The following FAXC variants were observed in gnomAD, a reference collection of about 807,000 sequenced individuals.
FAXC encodes failed axon connections homolog, metaxin like GST domain containing.
Under a neutral mutation model 41.9 loss-of-function variants are expected in FAXC, and 10 were observed. That is an observed-to-expected ratio of 0.24 (90% CI 0.15 to 0.41). FAXC has a LOEUF of 0.41. Among genes scored for constraint, FAXC ranks in the 10% least tolerant of loss-of-function variants. FAXC has a pLI of 1.00. For synonymous variants in FAXC, 183 were observed against 183.8 expected (o/e 1.00, Z 0.03); for missense variants, 399 against 510.9 (o/e 0.78, Z 2.11).
Position 99,303,674 on chromosome 6 carries a change from G to A in FAXC, c.824-11854C>T, listed in dbSNP as rs140680376. ...AGACTTCTCTTTTACCAACAACATG[G>A]GAGAGCTATACCTCTGGAGGTCACC... is the stretch of plus-strand genomic sequence containing the variant. On this transcript the variant is annotated intron_variant, in intron 4 of 5. Coordinates refer to ENST00000389677, the MANE Select transcript of FAXC (RefSeq NM_032511.4). Among the ~76,000 whole-genome samples the A allele has an allele frequency of 4.7e-3, 721 of 152,248 alleles. 1 individual carries two copies. Among genetic ancestry groups the A allele is most frequent in the African/African-American group, 0.016 (648 of 41,544 alleles).
intron 1 of FAXC, among the ~76,000 whole-genome samples, chr6:99,345,280 T>C (rs1361905442): frequency 6.6e-6 from 1 of 152,234 alleles, no homozygotes; most frequent in Non-Finnish European, 1.5e-5. Flanking sequence ...AATTTTCACC[T>C]TGACAAACTC....
In FAXC at chr6:99,281,114, C is replaced by T. The variant is rs145534573; in HGVS notation, c.*50G>A. ...TGGATTGCTACCTGGGAAAATGGACCGACCCAGGGAGTGGCAGGTCCCAAG... is the reference window on the plus strand; with the variant it reads ...TGGATTGCTACCTGGGAAAATGGACTGACCCAGGGAGTGGCAGGTCCCAAG... On this transcript the variant is annotated 3_prime_UTR_variant, in exon 6 of 6. Coordinates refer to ENST00000389677, the MANE Select transcript of FAXC (RefSeq NM_032511.4). 1.4e-5 allele frequency: 12 copies of T among 878,066 alleles called. No individual in the cohort carries two copies. Among genetic ancestry groups the T allele is most frequent in the Non-Finnish European group, 2.1e-5 (11 of 518,908 alleles). 54.4% of individuals were successfully genotyped at this position (878,066 alleles called of 1,614,324 possible). A position where few individuals can be genotyped will look rare whatever the true frequency, so the allele number is the denominator to read the frequency against.
intron 4 of FAXC, among the ~76,000 whole-genome samples, chr6:99,320,773 T>C (rs1196390109): frequency 6.6e-6 from 1 of 152,238 alleles, no homozygotes; most frequent in East Asian, 1.9e-4. Context: ...AAAAAGTCCT[T>C]ATTTTCTTCA....
At chr6:99,309,984 G>T (rs907858455) in intron 4 of FAXC, 1 of 788,768 alleles carries the variant, frequency 1.3e-6, no homozygotes. Context: ...TTGCTGAGTG[G>T]CCTTAGACCC....
chr6:99,314,497 C>T (rs1045387932), intron 4 of FAXC, among the ~76,000 whole-genome samples: 2 of 152,162 alleles, frequency 1.3e-5, no homozygotes, highest in African/African-American at 4.8e-5. Flanking sequence ...TCACTTGAGC[C>T]CAGGAGATCA....
Position 99,290,781 on chromosome 6 carries a change from C to T in FAXC, c.940+923G>A, listed in dbSNP as rs187479800. ...GTATTTGTTGACATTTTCATTTTCCCAGTCTTGAATTTTTTAGCTCTACTA... is the reference window on the plus strand; with the variant it reads ...GTATTTGTTGACATTTTCATTTTCCTAGTCTTGAATTTTTTAGCTCTACTA... On this transcript the variant is annotated intron_variant, in intron 5 of 5. Transcript: ENST00000389677. Among the ~76,000 whole-genome samples, 57 of 151,682 alleles carry T rather than the reference C, an allele frequency of 3.8e-4. 1 individual carries two copies. The highest frequency in any genetic ancestry group is 3.6e-3 in the South Asian group (17 of 4,786).
intron 4 of FAXC, among the ~76,000 whole-genome samples, chr6:99,316,692 T>C (rs770694701): frequency 4.6e-5 from 7 of 152,244 alleles, no homozygotes; most frequent in Non-Finnish European, 7.3e-5. Context: ...AAGGCATTTC[T>C]GGGTAAGAGC....
chr6:99,341,238 A>G (rs1360975914), intron 2 of FAXC, among the ~76,000 whole-genome samples: 2 of 152,184 alleles, frequency 1.3e-5, no homozygotes, highest in African/African-American at 4.8e-5. Flanking sequence ...TTTAAAATGA[A>G]GTATAGTAAG....
intron 4 of FAXC, among the ~76,000 whole-genome samples, chr6:99,292,483 C>T (rs771598113): frequency 1.6e-4 from 24 of 152,192 alleles, no homozygotes; most frequent in Non-Finnish European, 3.2e-4. Flanking sequence ...TCATCCAGGC[C>T]TTGTCACCGG....
intron 4 of FAXC, among the ~76,000 whole-genome samples, chr6:99,312,550 C>T (rs1177380986): frequency 6.6e-6 from 1 of 152,072 alleles, no homozygotes; most frequent in African/African-American, 2.4e-5. Context: ...CCTCAGACTC[C>T]CAGCTGAAGA....
At position 99,318,306 on chromosome 6, in the gene FAXC, C is replaced by CAAAAAAAAAAAA. The variant is rs1554201375; in HGVS notation, c.823+5137_823+5138insTTTTTTTTTTTT. Reference sequence around the variant, plus strand: ...ACACACACACACACACACACACACACAAAATAGAAGAAATGGAAAATATAT... The same window carrying CAAAAAAAAAAAA: ...ACACACACACACACACACACACACACAAAAAAAAAAAAAAAATAGAAGAAATGGAAAATATAT... On this transcript the variant is annotated intron_variant, in intron 4 of 5. Transcript: ENST00000389677. Among the ~76,000 whole-genome samples the CAAAAAAAAAAAA allele has an allele frequency of 6.4e-4, 86 of 135,314 alleles. 5 individuals carry two copies. In the East Asian group the frequency reaches 0.017, roughly 27 times the overall value. The allele number at this position is 135,314 out of a possible 152,430, so 88.8% of individuals were successfully genotyped here.
chr6:99,342,779 G>T, intron 2 of FAXC, 119 bp downstream of exon 2: 1 of 898,132 alleles, frequency 1.1e-6, no homozygotes, highest in Non-Finnish European at 1.7e-6. Flanking sequence ...GGCACTGCTA[G>T]TTTCAGCTCC....
At chr6:99,311,112 T>G (rs1772137408) in intron 4 of FAXC, among the ~76,000 whole-genome samples, 1 of 152,240 alleles carries the variant, frequency 6.6e-6, no homozygotes, top group Admixed American at 6.5e-5. Context: ...AGTAGTGCTG[T>G]AAACACGAAT....
intron 5 of FAXC, among the ~76,000 whole-genome samples, chr6:99,281,737 C>A (rs1327849930): frequency 6.6e-6 from 1 of 152,242 alleles, no homozygotes; most frequent in South Asian, 2.1e-4. Context: ...GTCCCTCCCC[C>A]AGGCAGGCCC....
chr6:99,349,367 G>A lies in FAXC; in HGVS notation c.6C>T (p.His2=), dbSNP rs780027421. Residue 2 remains histidine, a synonymous_variant, in exon 1 of 6, where the codon CAC becomes CAT. Coordinates refer to ENST00000389677, the MANE Select transcript of FAXC (RefSeq NM_032511.4). ...TGGACGAAGCAAAGCCAACCCCCCA[G>A]TGCATGCTGCGCGGCTGGCTCCGGG... M[H]WGVGFASSRP... The A allele has an allele frequency of 1.2e-6, 2 of 1,609,480 alleles. No individual in the cohort carries two copies. Among genetic ancestry groups the A allele is most frequent in the Middle Eastern group, 1.7e-4 (1 of 6,032 alleles).
intron 4 of FAXC, among the ~76,000 whole-genome samples, chr6:99,307,808 A>G (rs560836379): frequency 6.6e-6 from 1 of 152,326 alleles, no homozygotes; most frequent in East Asian, 1.9e-4. Context: ...GATTGCCACA[A>G]AGAGGATGAG....
In FAXC at chr6:99,279,013, G is replaced by C. The variant is rs1016702884; in HGVS notation, c.*2151C>G. On this transcript the variant is annotated 3_prime_UTR_variant, in exon 6 of 6. Coordinates refer to ENST00000389677, the MANE Select transcript of FAXC (RefSeq NM_032511.4). Reference sequence around the variant, plus strand: ...TTTCTTTTCTACTAAAATGTGGTGGGAAAAGGACAACCCATGCTTTGTGGA... The same window carrying C: ...TTTCTTTTCTACTAAAATGTGGTGGCAAAAGGACAACCCATGCTTTGTGGA... 2 of 152,166 alleles carry C rather than the reference G, an allele frequency of 1.3e-5. No homozygotes were observed. Among genetic ancestry groups the C allele is most frequent in the Non-Finnish European group, 2.9e-5 (2 of 68,034 alleles). The allele number at this position is 152,166 out of a possible 1,614,324, so 9.4% of individuals were successfully genotyped here.
At chr6:99,313,173 G>A (rs1445560838) in intron 4 of FAXC, among the ~76,000 whole-genome samples, 1 of 152,146 alleles carries the variant, frequency 6.6e-6, no homozygotes, top group East Asian at 1.9e-4. Context: ...CACGCCTGTG[G>A]TCCCAGCTCC....
At chr6:99,309,105 G>C (rs556265726) in intron 4 of FAXC, among the ~76,000 whole-genome samples, 1 of 152,206 alleles carries the variant, frequency 6.6e-6, no homozygotes, top group Non-Finnish European at 1.5e-5. Flanking sequence ...GAAGTGCTGA[G>C]CCTTCCCATT....
Sources: allele counts gnomAD v4.1 joint callset (sites outside exome capture counted in the v4.1 genomes callset), GRCh38; gene constraint gnomAD v4.1.1; transcripts MANE v1.5; gene names NCBI Gene and HGNC (gene_info 2026-07-23, HGNC 2026-07-21).